The following KDM5A variants were observed in gnomAD, a reference collection of about 807,000 sequenced individuals.
The protein encoded by KDM5A is lysine-specific demethylase 5A.
A neutral mutation model predicts 193.5 loss-of-function variants in KDM5A; 42 were observed. The observed-to-expected ratio is 0.22, with a 90% confidence interval of 0.17 to 0.28. The LOEUF (loss-of-function observed/expected upper bound fraction) is 0.28. Among genes scored for constraint, KDM5A ranks in the 10% least tolerant of loss-of-function variants. The probability of loss-of-function intolerance (pLI) is 1.00; values close to 1 mark genes in which losing one functional copy is unlikely to be tolerated. For synonymous variants in KDM5A, 796 were observed against 718.1 expected (o/e 1.11, Z -1.73); for missense variants, 1,692 against 2,055.1 (o/e 0.82, Z 3.42).
chr12:370,646 G>T (rs959990296), intron 3 of KDM5A, among the ~76,000 whole-genome samples: 8 of 151,882 alleles, frequency 5.3e-5, no homozygotes, highest in Non-Finnish European at 1.0e-4. Flanking sequence ...AAGTTCTAGG[G>T]TAGTACATGT....
At chr12:308,130 G>T in intron 22 of KDM5A, 125 bp from the exon 23 acceptor site, 2 of 1,031,664 alleles carry the variant, frequency 1.9e-6, no homozygotes, top group African/African-American at 1.6e-5. Context: ...AAAATGTGGG[G>T]CCCCTGGCGG....
At position 283,577 on chromosome 12, in the gene KDM5A, A is replaced by G. The variant is rs1369526064; in HGVS notation, c.*1879T>C. 2.1e-5 allele frequency: 5 copies of G among 233,086 alleles called. No individual in the cohort carries two copies. Among genetic ancestry groups the G allele is most frequent in the Admixed American group, 5.6e-5 (1 of 17,774 alleles). 14.4% of individuals were successfully genotyped at this position (233,086 alleles called of 1,614,324 possible). On this transcript the variant is annotated 3_prime_UTR_variant, in exon 28 of 28. Transcript: ENST00000399788. ...TTTTTTGTAAGATTCCTTTTGAGTT[A>G]AATCTCATACCCACTCAAACTGTAA... is the stretch of plus-strand genomic sequence containing the variant.
chr12:378,065 A>G (rs1440230869), intron 3 of KDM5A, among the ~76,000 whole-genome samples: 4 of 152,248 alleles, frequency 2.6e-5, no homozygotes, highest in Non-Finnish European at 5.9e-5. Context: ...ATTTACACCC[A>G]TTCTCTTACA....
intron 9 of KDM5A, 28 bp from the exon 10 acceptor site, chr12:350,807 T>G (rs376830575): frequency 6.3e-7 from 1 of 1,597,280 alleles, no homozygotes; most frequent in Non-Finnish European, 8.6e-7. Flanking sequence ...AGATGACAAA[T>G]TATTAAACCA....
chr12:322,499 G>T lies in KDM5A; in HGVS notation c.2344C>A (p.Arg782=), dbSNP rs754467075. 4.3e-6 allele frequency: 7 copies of T among 1,613,330 alleles called. No homozygotes were observed. Among genetic ancestry groups the T allele is most frequent in the African/African-American group, 2.7e-5 (2 of 75,002 alleles). The change falls in exon 17 of 28, where the codon CGA becomes AGA. Residue 782 remains arginine (R), a synonymous_variant. Transcript: ENST00000399788. ...DRKYPENDLF[R]KLRDAVKEAE... ...TCTTTTACAGCATCCCTGAGTTTTC[G>T]AAAGAGATCATTCTCTGGGTATTTC...
intron 13 of KDM5A, among the ~76,000 whole-genome samples, chr12:329,539 C>T (rs909408499): frequency 6.6e-6 from 1 of 151,308 alleles, no homozygotes; most frequent in African/African-American, 2.4e-5. Flanking sequence ...TTAAGCAATC[C>T]ACATTGGCTG....
At chr12:388,782 G>A (rs1020549179) in intron 1 of KDM5A, 145 bp downstream of exon 1, 11 of 1,050,556 alleles carry the variant, frequency 1.0e-5, no homozygotes, top group African/African-American at 6.3e-5. Context: ...AAGAAACCGA[G>A]GCAAAAACAT....
Position 327,938 on chromosome 12 carries a change from C to T in KDM5A, c.1968+897G>A, listed in dbSNP as rs577850390. 7.2e-5 allele frequency among the ~76,000 whole-genome samples: 11 copies of T among 151,812 alleles called. No individual in the cohort carries two copies. In the South Asian group the frequency reaches 2.3e-3, roughly 32 times the overall value. Reference sequence around the variant, plus strand: ...CTGAGGTGGGAAGATTGTTTGAGCCCAGAAGTTTGAGGCTGCAGTGAGCTA... The same window carrying T: ...CTGAGGTGGGAAGATTGTTTGAGCCTAGAAGTTTGAGGCTGCAGTGAGCTA... On this transcript the variant is annotated intron_variant, in intron 14 of 27. Coordinates refer to ENST00000399788, the MANE Select transcript of KDM5A (RefSeq NM_001042603.3).
intron 3 of KDM5A, among the ~76,000 whole-genome samples, chr12:373,463 T>C (rs1010131726): frequency 8.5e-5 from 13 of 152,234 alleles, no homozygotes; most frequent in African/African-American, 2.7e-4. Context: ...TTGCGTCTAT[T>C]TGATTCTTCT....
chr12:293,294 G>A (rs776351573), intron 26 of KDM5A, 125 bp from the exon 27 acceptor site: 22 of 759,534 alleles, frequency 2.9e-5, no homozygotes, highest in Non-Finnish European at 4.1e-5. Context: ...GAGGTTACCA[G>A]AGGCTGAAGG....
intron 3 of KDM5A, among the ~76,000 whole-genome samples, chr12:371,521 G>A (rs539710040): frequency 1.6e-4 from 24 of 152,236 alleles, no homozygotes; most frequent in South Asian, 1.4e-3. Context: ...TGTCAGATGA[G>A]TAGACTGCAA....
At chr12:343,793 A>G (rs1944036403) in intron 10 of KDM5A, among the ~76,000 whole-genome samples, 1 of 152,194 alleles carries the variant, frequency 6.6e-6, no homozygotes, top group Admixed American at 6.5e-5. Context: ...GGTAGATAAA[A>G]CCACAAAGAT....
Position 355,236 on chromosome 12 carries a change from T to G in KDM5A, c.792A>C (p.Arg264=), listed in dbSNP as rs780018268. 2.5e-6 allele frequency: 4 copies of G among 1,606,092 alleles called. No homozygotes were observed. The South Asian group carries it at 4.4e-5, about 18-fold the overall frequency. ...GTKDKEDEVT[R]RRKVTNRSDA... is the part of the protein sequence containing the mutation. Reference sequence around the variant, plus strand: ...CTGACCTGTTGGTAACTTTTCGTCTTCGGGTGACCTCATCTTGAAATAAAA... The same window carrying G: ...CTGACCTGTTGGTAACTTTTCGTCTGCGGGTGACCTCATCTTGAAATAAAA... The change falls in exon 7 of 28, where the codon CGA becomes CGC. Residue 264 remains arginine, a synonymous_variant. Transcript: ENST00000399788.
chr12:313,663 A>G (rs767425555), intron 19 of KDM5A, among the ~76,000 whole-genome samples: 2 of 152,224 alleles, frequency 1.3e-5, no homozygotes, highest in Non-Finnish European at 2.9e-5. Context: ...CATTTAAACT[A>G]CATTCATTAA....
At chr12:313,660 A>T (rs1177213966) in intron 19 of KDM5A, among the ~76,000 whole-genome samples, 6 of 152,222 alleles carry the variant, frequency 3.9e-5, no homozygotes, top group African/African-American at 1.4e-4. Context: ...GTACATTTAA[A>T]CTACATTCAT....
intron 5 of KDM5A, among the ~76,000 whole-genome samples, chr12:357,326 C>G (rs529543000): frequency 9.4e-6 from 1 of 106,580 alleles, no homozygotes; most frequent in African/African-American, 4.1e-5. Context: ...ACATAGTGAC[C>G]CCCGTTTCTA....
intron 19 of KDM5A, among the ~76,000 whole-genome samples, chr12:317,853 C>T (rs888900402): frequency 2.0e-5 from 3 of 152,154 alleles, no homozygotes; most frequent in Non-Finnish European, 2.9e-5. Context: ...TGCACCTCTC[C>T]GGGAGCTGCA....
intron 3 of KDM5A, among the ~76,000 whole-genome samples, chr12:374,073 G>C (rs1213448564): frequency 6.6e-6 from 1 of 152,210 alleles, no homozygotes; most frequent in Non-Finnish European, 1.5e-5. Flanking sequence ...TTGGGGTGGA[G>C]AGTTCTGTAG....
intron 3 of KDM5A, among the ~76,000 whole-genome samples, chr12:372,665 G>A (rs989991016): frequency 7.9e-5 from 12 of 152,126 alleles, no homozygotes; most frequent in African/African-American, 2.9e-4. Flanking sequence ...TCCCTGTATT[G>A]TACTAGTTTT....
Sources: allele counts gnomAD v4.1 joint callset (sites outside exome capture counted in the v4.1 genomes callset), GRCh38; gene constraint gnomAD v4.1.1; transcripts MANE v1.5; gene names NCBI Gene and HGNC (gene_info 2026-07-23, HGNC 2026-07-21).